ERCC6L2: variants seen among roughly 807,000 people sequenced by gnomAD.
ERCC6L2 encodes ERCC excision repair 6 like 2.
A neutral mutation model predicts 132.0 loss-of-function variants in ERCC6L2; 77 were observed. The observed-to-expected ratio is 0.58, with a 90% CI of 0.49 to 0.71. The LOEUF (loss-of-function observed/expected upper bound fraction) is 0.71, where lower values mean the gene tolerates loss of function less well. Among genes scored for constraint, ERCC6L2 ranks in the 30% least tolerant of loss-of-function variants. ERCC6L2 has a pLI of 0.00. For synonymous variants in ERCC6L2, 583 were observed against 632.4 expected, an observed-to-expected ratio of 0.92 and a Z score of 1.17; for missense variants, 1,542 against 1,837.6, an observed-to-expected ratio of 0.84 and a Z score of 2.94.
At chr9:95,984,321 A>ATG (rs1313391310) in intron 17 of ERCC6L2, among the ~76,000 whole-genome samples, 1 of 149,784 alleles carries the variant, frequency 6.7e-6, no homozygotes, top group Non-Finnish European at 1.5e-5. Flanking sequence ...TATATATTAT[A>ATG]TGTGTATATA....
rs959953877 is a variant in ERCC6L2 at position 96,016,914 on chromosome 9, T to G, written c.*3711T>G. ...CTGCCTTAAAGGTTTTTTTGTGTGT[T>G]TGTTTGTTTGTTTGTTTGCATGTGA... On this transcript the variant is annotated 3_prime_UTR_variant, in exon 19 of 19. Transcript: ENST00000653738. Among the ~76,000 whole-genome samples the G allele has an allele frequency of 4.6e-5, 7 of 152,050 alleles. No individual in the cohort carries two copies. The highest frequency in any genetic ancestry group is 1.9e-4 in the East Asian group (1 of 5,190).
intron 11 of ERCC6L2, among the ~76,000 whole-genome samples, chr9:95,936,609 T>C (rs190191269): frequency 2.0e-5 from 3 of 152,298 alleles, no homozygotes; most frequent in Admixed American, 2.0e-4. Context: ...TAAGAAATAA[T>C]ACAGAATGAT....
At chr9:95,897,362 T>A (rs1045495025) in intron 2 of ERCC6L2, among the ~76,000 whole-genome samples, 3 of 152,224 alleles carry the variant, frequency 2.0e-5, no homozygotes, top group Admixed American at 6.5e-5. Flanking sequence ...TTATTCAAAA[T>A]GTTGCATACA....
At chr9:95,897,048 T>G (rs1828502564) in intron 2 of ERCC6L2, among the ~76,000 whole-genome samples, 1 of 149,732 alleles carries the variant, frequency 6.7e-6, no homozygotes. Context: ...GTTTTTTGTT[T>G]TATATAGTTT....
At chr9:96,026,094 G>A (rs1311856206) in intron 19 of ERCC6L2, 1 of 152,386 alleles carries the variant, frequency 6.6e-6, no homozygotes, top group Non-Finnish European at 1.5e-5. Context: ...CACTTGCCTG[G>A]CCCTGGGGCC....
At chr9:95,891,540 T>TTG (rs1828164591) in intron 2 of ERCC6L2, among the ~76,000 whole-genome samples, 1 of 152,154 alleles carries the variant, frequency 6.6e-6, no homozygotes, top group Admixed American at 6.5e-5. Flanking sequence ...AACATTTCTC[T>TTG]TGTGTGTATT....
chr9:96,002,287 G>GT (rs992645510), intron 17 of ERCC6L2, among the ~76,000 whole-genome samples: 20 of 152,162 alleles, frequency 1.3e-4, no homozygotes, highest in Non-Finnish European at 2.6e-4. Flanking sequence ...CCTCTCAATA[G>GT]TTTAACTGGG....
intron 1 of ERCC6L2, among the ~76,000 whole-genome samples, chr9:95,880,433 T>G (rs1827528202): frequency 6.6e-6 from 1 of 152,206 alleles, no homozygotes; most frequent in Non-Finnish European, 1.5e-5. Flanking sequence ...TATGTATATA[T>G]ATATGTTCAT....
chr9:95,877,873 CTG>C (rs980141204), intron 1 of ERCC6L2, among the ~76,000 whole-genome samples: 22 of 151,862 alleles, frequency 1.4e-4, no homozygotes, highest in Non-Finnish European at 4.4e-5. Context: ...CTGTGTGACT[CTG>C]TGTTGGTCCT....
At chr9:95,907,951 G>A (rs1471132969) in intron 4 of ERCC6L2, among the ~76,000 whole-genome samples, 2 of 151,880 alleles carry the variant, frequency 1.3e-5, no homozygotes, top group Non-Finnish European at 2.9e-5. Context: ...ATTATAGAGA[G>A]TATTGGAAGG....
intron 14 of ERCC6L2, chr9:95,966,933 A>G: frequency 2.8e-6 from 1 of 355,142 alleles, no homozygotes; most frequent in Non-Finnish European, 5.0e-6. Context: ...CACACACACA[A>G]ATGTATATGC....
intron 12 of ERCC6L2, among the ~76,000 whole-genome samples, chr9:95,944,576 A>G (rs1026124375): frequency 2.0e-5 from 3 of 152,192 alleles, no homozygotes; most frequent in Admixed American, 2.0e-4. Flanking sequence ...TTATGATACA[A>G]TTGGTTCTCA....
intron 11 of ERCC6L2, among the ~76,000 whole-genome samples, chr9:95,933,618 A>G (rs573049099): frequency 2.8e-4 from 43 of 152,186 alleles, no homozygotes; most frequent in Non-Finnish European, 5.4e-4. Flanking sequence ...GCCAAAACGG[A>G]TGGATCACCT....
At chr9:95,907,857 C>CACACAAACACACATACACACACACACA in intron 4 of ERCC6L2, among the ~76,000 whole-genome samples, 1 of 133,740 alleles carries the variant, frequency 7.5e-6, no homozygotes, top group African/African-American at 2.8e-5. Context: ...ACACACACAC[C>CACACAAACACACATACACACACACACA]CCCACACCCA....
intron 12 of ERCC6L2, among the ~76,000 whole-genome samples, chr9:95,951,753 T>C (rs1398401162): frequency 7.5e-6 from 1 of 133,300 alleles, no homozygotes; most frequent in African/African-American, 3.0e-5. Flanking sequence ...CATGAAGACA[T>C]AGAAACCTGA....
intron 2 of ERCC6L2, among the ~76,000 whole-genome samples, chr9:95,881,794 G>T (rs948197866): frequency 6.6e-6 from 1 of 152,194 alleles, no homozygotes; most frequent in African/African-American, 2.4e-5. Flanking sequence ...ATGTGTACTA[G>T]AATTTGTACA....
At position 95,980,464 on chromosome 9, in the gene ERCC6L2, A is replaced by G. The variant is rs149870600; in HGVS notation, c.3492+2249A>G. Among the ~76,000 whole-genome samples the G allele has an allele frequency of 4.2e-3, 639 of 152,324 alleles. 6 individuals are homozygous for G. The highest frequency in any genetic ancestry group is 0.014 in the African/African-American group (590 of 41,582). ...TGCTAGCAGCCCAAACACAGTCTGC[A>G]GAAACACTCATTTCAGTGGCTGACT... On this transcript the variant is annotated intron_variant, in intron 17 of 18. Coordinates refer to ENST00000653738, the MANE Select transcript of ERCC6L2 (RefSeq NM_020207.7).
intron 16 of ERCC6L2, among the ~76,000 whole-genome samples, chr9:95,974,942 T>C (rs752579960): frequency 6.6e-6 from 1 of 152,146 alleles, no homozygotes; most frequent in Non-Finnish European, 1.5e-5. Context: ...ACAATATTGA[T>C]AATTCTGGTT....
intron 7 of ERCC6L2, 69 bp from the exon 8 acceptor site, chr9:95,922,236 C>A: frequency 1.4e-6 from 1 of 697,654 alleles, no homozygotes; most frequent in Non-Finnish European, 2.5e-6. Context: ...GTAAGTGATA[C>A]ATTTTATGAT....
Sources: allele counts gnomAD v4.1 joint callset (sites outside exome capture counted in the v4.1 genomes callset), GRCh38; gene constraint gnomAD v4.1.1; transcripts MANE v1.5; gene names NCBI Gene and HGNC (gene_info 2026-07-23, HGNC 2026-07-21).